NELL1: variants seen among roughly 807,000 people sequenced by gnomAD.
The protein encoded by NELL1 is neural EGFL like 1, also known as protein kinase C-binding protein NELL1.
NELL1 carries 76 observed loss-of-function variants against 107.4 expected under a neutral mutation model. The observed-to-expected ratio is 0.71, with a 90% confidence interval of 0.59 to 0.86. The LOEUF (loss-of-function observed/expected upper bound fraction) is 0.86, where lower values mean the gene tolerates loss of function less well. NELL1 is among the 40% of genes least tolerant of loss of function. The probability of loss-of-function intolerance (pLI) is 0.00; values close to 1 mark genes in which losing one functional copy is unlikely to be tolerated. For synonymous variants in NELL1, 353 were observed against 341.2 expected, an observed-to-expected ratio of 1.03 and a Z score of -0.38; for missense variants, 1,024 against 1,005.5, an observed-to-expected ratio of 1.02 and a Z score of -0.25.
chr11:21,525,610 TAA>T (rs1312548669), intron 15 of NELL1, among the ~76,000 whole-genome samples: 1 of 152,188 alleles, frequency 6.6e-6, no homozygotes, highest in Non-Finnish European at 1.5e-5. Flanking sequence ...ATGCTGCTAA[TAA>T]AGACATATCT....
In NELL1 at chr11:20,825,581, C is replaced by A. The variant is rs117685057; in HGVS notation, c.336-22002C>A. On this transcript the variant is annotated intron_variant, in intron 3 of 19. Transcript: ENST00000357134. ...TCATTGGATTTCGAACTTGCATGGG[C>A]CTGCAGCCTCTTTGTTTTTGCTAAT... Among the ~76,000 whole-genome samples, 145 of 151,312 alleles carry A rather than the reference C, an allele frequency of 9.6e-4. 1 individual carries two copies. The East Asian group carries it at 0.026, about 27-fold the overall frequency.
intron 2 of NELL1, among the ~76,000 whole-genome samples, chr11:20,746,276 A>G (rs1423541189): frequency 6.6e-6 from 1 of 152,156 alleles, no homozygotes; most frequent in Non-Finnish European, 1.5e-5. Context: ...CTTTGGAATC[A>G]TTACACAAAA....
chr11:21,508,606 T>C (rs191837038), intron 15 of NELL1, among the ~76,000 whole-genome samples: 1 of 152,240 alleles, frequency 6.6e-6, no homozygotes, highest in East Asian at 1.9e-4. Flanking sequence ...TGAACAAATA[T>C]TAGCAAAACA....
At position 20,863,411 on chromosome 11, in the gene NELL1, G is replaced by C. The variant is rs191898275; in HGVS notation, c.506+15658G>C. Among the ~76,000 whole-genome samples, 8 of 83,820 alleles carry C rather than the reference G, an allele frequency of 9.5e-5. 3 individuals are homozygous for C. The highest frequency in any genetic ancestry group is 2.2e-4 in the Non-Finnish European group (7 of 31,682). 55.0% of individuals were successfully genotyped at this position (83,820 alleles called of 152,430 possible). ...GACGGGGTGGCTGCCAGGCGGAGAC[G>C]CTCCTCACTTCCCAGAAGGGGTGGC... is the stretch of plus-strand genomic sequence containing the variant. On this transcript the variant is annotated intron_variant, in intron 4 of 19. Coordinates refer to ENST00000357134, the MANE Select transcript of NELL1 (RefSeq NM_006157.5).
intron 15 of NELL1, among the ~76,000 whole-genome samples, chr11:21,397,219 G>A (rs17233291): frequency 0.092 from 13,954 of 151,624 alleles, 841 homozygotes; most frequent in Middle Eastern, 0.14. Flanking sequence ...GCCATGCAAA[G>A]TACATCAATG....
intron 2 of NELL1, among the ~76,000 whole-genome samples, chr11:20,725,490 C>T (rs16906690): frequency 0.016 from 2,464 of 152,160 alleles, 58 homozygotes; most frequent in African/African-American, 0.056. Context: ...GCTGGATCAC[C>T]GTGGGAATTG....
chr11:21,454,359 T>C (rs1853667850), intron 15 of NELL1, among the ~76,000 whole-genome samples: 1 of 151,752 alleles, frequency 6.6e-6, no homozygotes, highest in Admixed American at 6.6e-5. Context: ...TCCAAGTCTT[T>C]GCTATTGTGA....
chr11:21,091,787 T>G (rs1391547134), intron 12 of NELL1, among the ~76,000 whole-genome samples: 1 of 152,116 alleles, frequency 6.6e-6, no homozygotes, highest in Non-Finnish European at 1.5e-5. Context: ...GCCATTGAAG[T>G]AGATGCATGC....
chr11:20,680,696 C>T (rs1026965739), intron 2 of NELL1, among the ~76,000 whole-genome samples: 2 of 152,128 alleles, frequency 1.3e-5, no homozygotes, highest in African/African-American at 4.8e-5. Context: ...TTGGTTTTGG[C>T]TCTGTCTTCT....
chr11:21,303,414 A>T (rs1408533057), intron 14 of NELL1, among the ~76,000 whole-genome samples: 1 of 152,056 alleles, frequency 6.6e-6, no homozygotes, highest in Non-Finnish European at 1.5e-5. Context: ...AATTATAACC[A>T]CAATGAGATA....
At chr11:20,693,521 A>G (rs1267236220) in intron 2 of NELL1, among the ~76,000 whole-genome samples, 1 of 152,004 alleles carries the variant, frequency 6.6e-6, no homozygotes, top group African/African-American at 2.4e-5. Flanking sequence ...TCTGTAAAGT[A>G]TTTTATTTCT....
chr11:20,740,549 G>A lies in NELL1; in HGVS notation c.185-43131G>A, dbSNP rs1204620248. On this transcript the variant is annotated intron_variant, in intron 2 of 19. Coordinates refer to ENST00000357134, the MANE Select transcript of NELL1 (RefSeq NM_006157.5). ...TGGCCCTGGAGTCCCTTAGATCTAG[G>A]AATCCTTCCCTCCTTGATCCTCAAT... is the stretch of plus-strand genomic sequence containing the variant. 2.6e-5 allele frequency among the ~76,000 whole-genome samples: 4 copies of A among 152,114 alleles called. No individual in the cohort carries two copies. The East Asian group carries it at 7.7e-4, about 29-fold the overall frequency.
intron 2 of NELL1, among the ~76,000 whole-genome samples, chr11:20,724,140 T>C (rs1855457163): frequency 6.6e-6 from 1 of 152,208 alleles, no homozygotes. Flanking sequence ...TCCTAGGCCT[T>C]GGGCCTGTGA....
intron 2 of NELL1, among the ~76,000 whole-genome samples, chr11:20,702,378 G>C (rs1249530743): frequency 6.6e-6 from 1 of 151,814 alleles, no homozygotes; most frequent in Non-Finnish European, 1.5e-5. Context: ...AGACTTTGCT[G>C]AAGTTGCTTA....
chr11:21,228,022 T>G lies in NELL1; in HGVS notation c.1427-1310T>G, dbSNP rs185148313. Among the ~76,000 whole-genome samples the G allele has an allele frequency of 6.4e-3, 977 of 152,336 alleles. 33 individuals are homozygous for G. Among genetic ancestry groups the G allele is most frequent in the Admixed American group, 0.059 (907 of 15,306 alleles). On this transcript the variant is annotated intron_variant, in intron 13 of 19. Transcript: ENST00000357134. ...ACTTAACAAACTATATTGAATTTTT[T>G]GTTTTGTTCCAATTAGTGTTATTTC... is the stretch of plus-strand genomic sequence containing the variant.
At chr11:21,252,527 A>T (rs1175800795) in intron 14 of NELL1, among the ~76,000 whole-genome samples, 1 of 152,140 alleles carries the variant, frequency 6.6e-6, no homozygotes, top group Admixed American at 6.6e-5. Flanking sequence ...AAATTATGGC[A>T]TGTTATACTT....
chr11:21,273,858 A>AT (rs1280538238), intron 14 of NELL1, among the ~76,000 whole-genome samples: 18 of 152,226 alleles, frequency 1.2e-4, no homozygotes, highest in Non-Finnish European at 1.9e-4. Flanking sequence ...ATGCTGAGAG[A>AT]TTTTGTCACC....
chr11:21,509,035 A>T (rs112353617), intron 15 of NELL1, among the ~76,000 whole-genome samples: 230 of 152,306 alleles, frequency 1.5e-3, no homozygotes, highest in African/African-American at 5.0e-3. Context: ...AATACATTTT[A>T]AAAATCTACA....
At chr11:21,308,169 G>T (rs988869618) in intron 14 of NELL1, among the ~76,000 whole-genome samples, 2 of 152,040 alleles carry the variant, frequency 1.3e-5, no homozygotes, top group Admixed American at 6.6e-5. Context: ...GAAATACCTC[G>T]TGGGGTTGCT....
Sources: allele counts gnomAD v4.1 joint callset (sites outside exome capture counted in the v4.1 genomes callset), GRCh38; gene constraint gnomAD v4.1.1; transcripts MANE v1.5; gene names NCBI Gene and HGNC (gene_info 2026-07-23, HGNC 2026-07-21).